The following BATF2 variants were observed in gnomAD, a reference collection of about 807,000 sequenced individuals.
BATF2 encodes basic leucine zipper transcriptional factor ATF-like 2.
Under a neutral mutation model 7.3 loss-of-function variants are expected in BATF2, and 4 were observed. The observed-to-expected ratio is 0.55, with a 90% CI of 0.27 to 1.26. The LOEUF (loss-of-function observed/expected upper bound fraction) is 1.26. Ranked by LOEUF, BATF2 falls within the 50% of genes most tolerant of loss-of-function variation. The pLI is 0.11. For synonymous variants in BATF2, 152 were observed against 153.9 expected, an observed-to-expected ratio of 0.99 and a Z score of 0.09; for missense variants, 295 against 340.5, an observed-to-expected ratio of 0.87 and a Z score of 1.05.
At position 64,988,316 on chromosome 11, in the gene BATF2, C is replaced by G. The variant is rs1372865492; in HGVS notation, c.*813G>C. On this transcript the variant is annotated 3_prime_UTR_variant, in exon 3 of 3. Coordinates refer to ENST00000301887, the MANE Select transcript of BATF2 (RefSeq NM_138456.4). ...ATCCCTGCCTGCAAATAACCTTGCA[C>G]AGGGTCCTTCCTCATTCTTTCCTCT... 1 of 152,354 alleles carries G rather than the reference C, an allele frequency of 6.6e-6. No homozygotes were observed. The highest frequency in any genetic ancestry group is 1.5e-5 in the Non-Finnish European group (1 of 68,154). 9.4% of individuals were successfully genotyped at this position (152,354 alleles called of 1,614,324 possible).
At chr11:64,995,061 C>T (rs750260380) in intron 1 of BATF2, among the ~76,000 whole-genome samples, 2 of 152,060 alleles carry the variant, frequency 1.3e-5, no homozygotes, top group African/African-American at 2.4e-5. Flanking sequence ...GTTGGCCAGG[C>T]TCATCTCAAA....
chr11:64,994,132 C>T (rs1946094750), intron 2 of BATF2, among the ~76,000 whole-genome samples: 1 of 152,120 alleles, frequency 6.6e-6, no homozygotes, highest in Non-Finnish European at 1.5e-5. Flanking sequence ...CTCAGCTGGC[C>T]ATTGTGTTGG....
At chr11:64,990,304 A>C in intron 2 of BATF2, 1 of 1,479,858 alleles carries the variant, frequency 6.8e-7, no homozygotes, top group Non-Finnish European at 9.0e-7. Flanking sequence ...CCTCACATGA[A>C]CTCTGCTTCC....
Position 64,989,489 on chromosome 11 carries a change from T to TG in BATF2, c.464dup (p.Leu156ThrfsTer10). ...CAACCACAGCGGGGCCAAGGGACAG[T>TG]GAGGGCAGGGGGCACTGGAGGAGGC... On this transcript the variant is annotated frameshift_variant, in exon 3 of 3. Coordinates refer to ENST00000301887, the MANE Select transcript of BATF2 (RefSeq NM_138456.4). LOFTEE classifies it low-confidence loss of function (END_TRUNC). The surrounding 1 kb of genome is among the most constrained non-coding windows in gnomAD (Gnocchi z 4.3). The TG allele has an allele frequency of 1.2e-6, 2 of 1,608,992 alleles. No homozygotes were observed. Among genetic ancestry groups the TG allele is most frequent in the Non-Finnish European group, 1.7e-6 (2 of 1,177,730 alleles).
intron 2 of BATF2, chr11:64,990,452 C>T (rs1946067154): frequency 7.8e-7 from 1 of 1,288,150 alleles, no homozygotes; most frequent in Admixed American, 3.3e-5. Context: ...TTTGAGGGCC[C>T]AGAACTCGCC....
chr11:64,994,364 C>A, intron 2 of BATF2, 84 bp downstream of exon 2: 1 of 1,329,552 alleles, frequency 7.5e-7, no homozygotes, highest in Non-Finnish European at 1.1e-6. Context: ...TGGGGGAGGT[C>A]TGCTCAAAGG....
In BATF2 at chr11:64,989,157, A is replaced by G; in HGVS notation, c.797T>C (p.Leu266Pro). Residue 266 changes from leucine (L) to proline (P), a missense_variant, in exon 3 of 3, where the codon CTG (leucine) becomes CCG (proline). Transcript: ENST00000301887. This position sits in a 1 kb window ranked among gnomAD's most constrained non-coding sequence, Gnocchi z 4.3. ...PSPHPLLAFPLLSSAQVHF is the reference protein window; with the variant it reads ...PSPHPLLAFPPLSSAQVHF ...GAAGTGGACTTGAGCAGAGGAGAGC[A>G]GAGGAAAGGCCAGGAGAGGGTGAGG... is the stretch of plus-strand genomic sequence containing the variant. The G allele has an allele frequency of 9.9e-6, 16 of 1,614,188 alleles. No individual in the cohort carries two copies. Among genetic ancestry groups the G allele is most frequent in the Non-Finnish European group, 1.4e-5 (16 of 1,180,042 alleles).
In BATF2 at chr11:64,989,216, T is replaced by C; in HGVS notation, c.738A>G (p.Ala246=). 6.2e-7 allele frequency: 1 copy of C among 1,614,058 alleles called. No individual in the cohort carries two copies. Among genetic ancestry groups the C allele is most frequent in the South Asian group, 1.1e-5 (1 of 91,082 alleles). The change falls in exon 3 of 3, where the codon GCA becomes GCG. Residue 246 remains alanine, a synonymous_variant. Coordinates refer to ENST00000301887, the MANE Select transcript of BATF2 (RefSeq NM_138456.4). The surrounding 1 kb of genome is among the most constrained non-coding windows in gnomAD (Gnocchi z 4.3). ...CCACAACCAGCCCTTGCCAAGTGGC[T>C]GCTGAGAGAGCAGGTTTGTGCTCCC... ...QSREHKPALS[A]ATWQGLVVDP...
In BATF2 at chr11:64,989,111, C is replaced by A; in HGVS notation, c.*18G>T. The A allele has an allele frequency of 6.2e-7, 1 of 1,613,806 alleles. No individual in the cohort carries two copies. On this transcript the variant is annotated 3_prime_UTR_variant, in exon 3 of 3. Coordinates refer to ENST00000301887, the MANE Select transcript of BATF2 (RefSeq NM_138456.4). This position sits in a 1 kb window ranked among gnomAD's most constrained non-coding sequence, Gnocchi z 4.3. ...TCCTGAGCCCAAAGAAGGGGCCAAC[C>A]CAGCTCCGAAGACCAGGTTAGAAGT...
chr11:64,994,966 G>A (rs151013490), intron 1 of BATF2, among the ~76,000 whole-genome samples: 3,973 of 151,850 alleles, frequency 0.026, 167 homozygotes, highest in African/African-American at 0.091. Flanking sequence ...CTCCTGCCTC[G>A]GCCTCCCAAG....
chr11:64,990,477 G>A (rs1442071426), intron 2 of BATF2: 1 of 1,240,656 alleles, frequency 8.1e-7, no homozygotes, highest in African/African-American at 1.5e-5. Context: ...CGAGCACTGT[G>A]GGAGGATTCA....
chr11:64,990,610 A>G (rs1946068321), intron 2 of BATF2: 1 of 1,023,482 alleles, frequency 9.8e-7, no homozygotes. Context: ...ATCAATGTGC[A>G]GTTCTAAATA....
In BATF2 at chr11:64,988,218, C is replaced by G. The variant is rs544491681; in HGVS notation, c.*911G>C. ...CCTAGTCCAAAGAGCAATGAGGGAA[C>G]TGCTTAGGAGGGGTCTGAGGGTGAT... On this transcript the variant is annotated 3_prime_UTR_variant, in exon 3 of 3. Transcript: ENST00000301887. 2 of 152,430 alleles carry G rather than the reference C, an allele frequency of 1.3e-5. No individual in the cohort carries two copies. Among genetic ancestry groups the G allele is most frequent in the South Asian group, 4.1e-4 (2 of 4,826 alleles). The allele number at this position is 152,430 out of a possible 1,614,324, so 9.4% of individuals were successfully genotyped here.
intron 1 of BATF2, among the ~76,000 whole-genome samples, chr11:64,995,041 G>T (rs1269520139): frequency 6.6e-6 from 1 of 152,064 alleles, no homozygotes; most frequent in East Asian, 1.9e-4. Context: ...TAGAGATGGG[G>T]TTTCCTCATG....
Position 64,989,705 on chromosome 11 carries a change from C to T in BATF2, c.249G>A (p.Leu83=), listed in dbSNP as rs146752591. Residue 83 remains leucine (L), a synonymous_variant, in exon 3 of 3, where the codon CTG becomes CTA. Coordinates refer to ENST00000301887, the MANE Select transcript of BATF2 (RefSeq NM_138456.4). This position sits in a 1 kb window ranked among gnomAD's most constrained non-coding sequence, Gnocchi z 4.3. ...WSRTLHVHER[L]CPMDCASCSA... ...AGCAGGAGGCACAATCCATGGGGCA[C>T]AGGCGCTCATGCACGTGCAGGGTCC... 2.5e-4 allele frequency: 411 copies of T among 1,613,956 alleles called. No homozygotes were observed. Among genetic ancestry groups the T allele is most frequent in the Non-Finnish European group, 3.1e-4 (368 of 1,179,990 alleles).
chr11:64,989,128 G>T lies in BATF2; in HGVS notation c.*1C>A, dbSNP rs1455900627. The stretch of plus-strand genomic sequence containing the variant: ...GGGCCAACCCAGCTCCGAAGACCAG[G>T]TTAGAAGTGGACTTGAGCAGAGGAG... On this transcript the variant is annotated 3_prime_UTR_variant, in exon 3 of 3. Transcript: ENST00000301887. This position sits in a 1 kb window ranked among gnomAD's most constrained non-coding sequence, Gnocchi z 4.3. 2 of 1,614,152 alleles carry T rather than the reference G, an allele frequency of 1.2e-6. No individual in the cohort carries two copies. Among genetic ancestry groups the T allele is most frequent in the Middle Eastern group, 1.7e-4 (1 of 6,060 alleles).
Position 64,988,041 on chromosome 11 carries a change from A to G in BATF2, c.*1088T>C, listed in dbSNP as rs1468865526. Reference sequence around the variant, plus strand: ...GATACTAACATAGTGTTTCATTTACATGTGTGTGAAACCTGGGTGAAGAGC... The same window carrying G: ...GATACTAACATAGTGTTTCATTTACGTGTGTGTGAAACCTGGGTGAAGAGC... On this transcript the variant is annotated 3_prime_UTR_variant, in exon 3 of 3. Transcript: ENST00000301887. 1 of 152,184 alleles carries G rather than the reference A, an allele frequency of 6.6e-6. No homozygotes were observed. Among genetic ancestry groups the G allele is most frequent in the Non-Finnish European group, 1.5e-5 (1 of 68,042 alleles). 9.4% of individuals were successfully genotyped at this position (152,184 alleles called of 1,614,324 possible).
In BATF2 at chr11:64,989,594, C is replaced by T; in HGVS notation, c.360G>A (p.Gln120=). 1 of 1,601,366 alleles carries T rather than the reference C, an allele frequency of 6.2e-7. No individual in the cohort carries two copies. Among genetic ancestry groups the T allele is most frequent in the South Asian group, 1.1e-5 (1 of 90,032 alleles). Residue 120 remains glutamine (Q), a synonymous_variant, in exon 3 of 3, where the codon CAG becomes CAA. Coordinates refer to ENST00000301887, the MANE Select transcript of BATF2 (RefSeq NM_138456.4). This position sits in a 1 kb window ranked among gnomAD's most constrained non-coding sequence, Gnocchi z 4.3. ...GPQGQHGCRE[Q]LELFQTPGSC... ...AACCCGGGGTCTGGAACAGCTCCAG[C>T]TGCTCCCGGCAGCCATGTTGTCCCT...
At chr11:64,994,950 G>A (rs1156458404) in intron 1 of BATF2, among the ~76,000 whole-genome samples, 1 of 152,144 alleles carries the variant, frequency 6.6e-6, no homozygotes, top group Admixed American at 6.6e-5. Flanking sequence ...CCGGGTTCAA[G>A]CAATTCTCCT....
Sources: gnomAD v4.1 joint callset for allele counts (sites outside exome capture counted in the v4.1 genomes callset) on GRCh38, gnomAD v4.1.1 for gene constraint, Gnocchi (gnomAD v3.1) non-coding constraint, MANE v1.5 for transcripts, NCBI Gene and HGNC (gene_info 2026-07-23, HGNC 2026-07-21) for gene names.